Variants in SBF2 observed in about 807,000 individuals in gnomAD.
SBF2 encodes the protein SET binding factor 2.
SBF2 carries 112 observed loss-of-function variants against 225.2 expected under a neutral mutation model. The ratio of observed to expected loss-of-function variants is 0.50; its 90% CI spans 0.43 to 0.58. The LOEUF (loss-of-function observed/expected upper bound fraction) is 0.58. SBF2 is among the 20% of genes least tolerant of loss of function. SBF2 has a pLI of 0.00. For missense variants in SBF2, 1,996 were observed against 2,206.2 expected (o/e 0.90, Z 1.91); for synonymous variants, 763 against 773.3 (o/e 0.99, Z 0.22).
chr11:9,914,253 C>T (rs1288937658), intron 16 of SBF2, among the ~76,000 whole-genome samples: 3 of 152,032 alleles, frequency 2.0e-5, no homozygotes, highest in African/African-American at 7.3e-5. Context: ...GATGGAAATT[C>T]CTAGAAAGAA....
intron 13 of SBF2, among the ~76,000 whole-genome samples, chr11:9,971,089 CT>C (rs548770933): frequency 6.6e-6 from 1 of 151,714 alleles, no homozygotes; most frequent in African/African-American, 2.4e-5. Context: ...GGGTAGGTAT[CT>C]TTTTTTTCAG....
chr11:10,097,212 G>A (rs1952059751), intron 2 of SBF2, among the ~76,000 whole-genome samples: 1 of 152,230 alleles, frequency 6.6e-6, no homozygotes, highest in African/African-American at 2.4e-5. Context: ...CTCTCCTCCA[G>A]AGGATGTAGC....
At chr11:10,172,729 C>T (rs570018464) in intron 2 of SBF2, among the ~76,000 whole-genome samples, 22 of 149,016 alleles carry the variant, frequency 1.5e-4, no homozygotes, top group Middle Eastern at 7.2e-3. Flanking sequence ...TGCAGTGGCG[C>T]CATCTTGGCT....
chr11:10,167,506 T>C (rs1269502336), intron 2 of SBF2, among the ~76,000 whole-genome samples: 2 of 151,888 alleles, frequency 1.3e-5, no homozygotes, highest in Non-Finnish European at 2.9e-5. Flanking sequence ...GAGGTCCAGG[T>C]TGCAGTGAGC....
intron 2 of SBF2, among the ~76,000 whole-genome samples, chr11:10,063,344 ATT>A (rs56370013): frequency 0.3 from 35,638 of 118,636 alleles, 4,914 homozygotes; most frequent in Admixed American, 0.39. Context: ...ATATATATAT[ATT>A]TTTTTAATTT....
chr11:10,031,256 A>C (rs569110108), intron 3 of SBF2, 86 bp from the exon 4 acceptor site: 3 of 1,252,984 alleles, frequency 2.4e-6, no homozygotes, highest in Non-Finnish European at 3.4e-6. Context: ...CTTAAATATA[A>C]CTTATGCAAA....
intron 2 of SBF2, among the ~76,000 whole-genome samples, chr11:10,170,150 G>A (rs919677416): frequency 6.6e-6 from 1 of 151,848 alleles, no homozygotes; most frequent in African/African-American, 2.4e-5. Flanking sequence ...GATCCTATTT[G>A]TCCATTTCTG....
At chr11:10,232,973 A>G (rs1387183520) in intron 1 of SBF2, among the ~76,000 whole-genome samples, 2 of 152,164 alleles carry the variant, frequency 1.3e-5, no homozygotes, top group Non-Finnish European at 2.9e-5. Flanking sequence ...CAAGAGTACA[A>G]ATTTGCCATC....
intron 2 of SBF2, among the ~76,000 whole-genome samples, chr11:10,132,848 A>G (rs1213135406): frequency 6.7e-6 from 1 of 148,764 alleles, no homozygotes; most frequent in African/African-American, 2.5e-5. Flanking sequence ...GTGCGTTTAC[A>G]ATCCCTGAGC....
At position 9,805,711 on chromosome 11, in the gene SBF2, C is replaced by T. The variant is rs1853784127; in HGVS notation, c.4443+2289G>A. 2.0e-5 allele frequency among the ~76,000 whole-genome samples: 3 copies of T among 152,298 alleles called. No individual in the cohort carries two copies. In the South Asian group the frequency reaches 6.2e-4, roughly 32 times the overall value. On this transcript the variant is annotated intron_variant, in intron 32 of 39. Transcript: ENST00000256190. Reference sequence around the variant, plus strand: ...CTTCTCAGCTCAATGCAACCTCCGCCTCCCGGGTTCAAGCGATTCTCCTGC... The same window carrying T: ...CTTCTCAGCTCAATGCAACCTCCGCTTCCCGGGTTCAAGCGATTCTCCTGC...
rs1460382550 is a variant in SBF2, at chr11:10,177,315, C to G, written c.141+16587G>C. On this transcript the variant is annotated intron_variant, in intron 2 of 39. Coordinates refer to ENST00000256190, the MANE Select transcript of SBF2 (RefSeq NM_030962.4). ...GATGCCCTCTCTCACCACTCCTATTCAACATAGTGTTGGAAGTTCTGGCCA... is the reference window on the plus strand; with the variant it reads ...GATGCCCTCTCTCACCACTCCTATTGAACATAGTGTTGGAAGTTCTGGCCA... Among the ~76,000 whole-genome samples, 7 of 147,166 alleles carry G rather than the reference C, an allele frequency of 4.8e-5. No individual in the cohort carries two copies. The East Asian group carries it at 6.1e-4, about 13-fold the overall frequency.
At chr11:10,134,179 T>G (rs1954238194) in intron 2 of SBF2, among the ~76,000 whole-genome samples, 1 of 151,906 alleles carries the variant, frequency 6.6e-6, no homozygotes, top group South Asian at 2.1e-4. Flanking sequence ...ACAGGGAAAC[T>G]CCCCTTTACA....
At chr11:10,091,603 T>A (rs1388190840) in intron 2 of SBF2, among the ~76,000 whole-genome samples, 1 of 152,176 alleles carries the variant, frequency 6.6e-6, no homozygotes, top group Non-Finnish European at 1.5e-5. Context: ...CAATTACTAG[T>A]TAATGTCTGT....
intron 2 of SBF2, among the ~76,000 whole-genome samples, chr11:10,174,747 A>C (rs1956377123): frequency 6.6e-6 from 1 of 152,212 alleles, no homozygotes; most frequent in Admixed American, 6.5e-5. Context: ...AAAAATGTGA[A>C]GGGCAGCCAG....
chr11:10,018,019 T>A (rs1392345042), intron 6 of SBF2, among the ~76,000 whole-genome samples: 1 of 152,000 alleles, frequency 6.6e-6, no homozygotes, highest in African/African-American at 2.4e-5. Context: ...AATTCTAAAT[T>A]TAAGAATTAG....
chr11:10,019,753 C>T (rs1226519393), intron 6 of SBF2, among the ~76,000 whole-genome samples: 1 of 151,526 alleles, frequency 6.6e-6, no homozygotes, highest in East Asian at 1.9e-4. Context: ...AAAACTAAGA[C>T]AGAAACATGA....
chr11:9,864,827 C>T (rs1056890010), intron 17 of SBF2, among the ~76,000 whole-genome samples: 1 of 152,190 alleles, frequency 6.6e-6, no homozygotes, highest in Non-Finnish European at 1.5e-5. Flanking sequence ...AGACTGTTGT[C>T]AAGTCCTTTG....
intron 2 of SBF2, among the ~76,000 whole-genome samples, chr11:10,117,558 G>C (rs988100684): frequency 3.3e-5 from 5 of 151,106 alleles, no homozygotes; most frequent in African/African-American, 9.7e-5. Flanking sequence ...TCTGTTTATT[G>C]CATGTTGATC....
At chr11:10,186,465 G>A (rs187320621) in intron 2 of SBF2, among the ~76,000 whole-genome samples, 75 of 152,220 alleles carry the variant, frequency 4.9e-4, no homozygotes, top group African/African-American at 1.8e-3. Context: ...CCAGGAGTTC[G>A]TGGTTACAAT....
Sources: allele counts gnomAD v4.1 joint callset (sites outside exome capture counted in the v4.1 genomes callset), GRCh38; gene constraint gnomAD v4.1.1; transcripts MANE v1.5; gene names NCBI Gene and HGNC (gene_info 2026-07-23, HGNC 2026-07-21).